TMEM163: variants seen among roughly 807,000 people sequenced by gnomAD.
The protein encoded by TMEM163 is transmembrane protein 163.
Under a neutral mutation model 29.3 loss-of-function variants are expected in TMEM163, and 17 were observed. The observed-to-expected ratio is 0.58, with a 90% CI of 0.40 to 0.87. The LOEUF (loss-of-function observed/expected upper bound fraction) is 0.87. Among genes scored for constraint, TMEM163 ranks in the 40% least tolerant of loss-of-function variants. The probability of loss-of-function intolerance (pLI) is 0.00; values close to 1 mark genes in which losing one functional copy is unlikely to be tolerated. For missense variants in TMEM163, 303 were observed against 381.5 expected, an observed-to-expected ratio of 0.79 and a Z score of 1.71; for synonymous variants, 157 against 160.6, an observed-to-expected ratio of 0.98 and a Z score of 0.17.
At chr2:134,569,912 T>C (rs932523136) in intron 2 of TMEM163, among the ~76,000 whole-genome samples, 2 of 152,216 alleles carry the variant, frequency 1.3e-5, no homozygotes, top group Non-Finnish European at 2.9e-5. Flanking sequence ...CATTATTCCC[T>C]AGACATAAAT....
rs1161993483 is a variant in TMEM163, at chr2:134,460,790, G to A, written c.668-2617C>T. 6.6e-6 allele frequency among the ~76,000 whole-genome samples: 1 copy of A among 152,190 alleles called. No individual in the cohort carries two copies. Among genetic ancestry groups the A allele is most frequent in the African/African-American group, 2.4e-5 (1 of 41,432 alleles). On this transcript the variant is annotated intron_variant, in intron 6 of 7. Coordinates refer to ENST00000281924, the MANE Select transcript of TMEM163 (RefSeq NM_030923.5). The surrounding 1 kb of genome is among the most constrained non-coding windows in gnomAD (Gnocchi z 4.3). ...CCCAGCTTGCTATTCCTGACAGCAG[G>A]TCCACCAGGTGTTCCCCGACACCCC...
chr2:134,531,743 T>A (rs1475505830), intron 4 of TMEM163, among the ~76,000 whole-genome samples: 1 of 152,224 alleles, frequency 6.6e-6, no homozygotes, highest in Non-Finnish European at 1.5e-5. Flanking sequence ...TGTTCAGGTA[T>A]CTGGAGCTTT....
At chr2:134,598,548 G>A (rs547591487) in intron 2 of TMEM163, among the ~76,000 whole-genome samples, 5 of 152,306 alleles carry the variant, frequency 3.3e-5, no homozygotes, top group South Asian at 2.1e-4. Flanking sequence ...AGCCTGCTCC[G>A]TGGCTCGTGC....
chr2:134,716,935 A>G (rs1685051088), intron 1 of TMEM163, among the ~76,000 whole-genome samples: 1 of 152,242 alleles, frequency 6.6e-6, no homozygotes, highest in South Asian at 2.1e-4. Context: ...TCATCCTAAC[A>G]GAGAGGCTGT....
At chr2:134,484,780 G>C (rs912528638) in intron 5 of TMEM163, among the ~76,000 whole-genome samples, 1 of 152,094 alleles carries the variant, frequency 6.6e-6, no homozygotes, top group Non-Finnish European at 1.5e-5. Context: ...TTTGGCAATG[G>C]GGGAATGGTT....
chr2:134,560,752 C>T (rs1325073059), intron 2 of TMEM163, among the ~76,000 whole-genome samples: 1 of 152,210 alleles, frequency 6.6e-6, no homozygotes, highest in Admixed American at 6.5e-5. Flanking sequence ...GACCAGGGCA[C>T]CCTTGTTCCT....
chr2:134,669,116 T>C (rs751782698), intron 2 of TMEM163, among the ~76,000 whole-genome samples: 5 of 152,182 alleles, frequency 3.3e-5, no homozygotes, highest in African/African-American at 4.8e-5. Flanking sequence ...GGAGGGGCCA[T>C]GGGGACTCAA....
chr2:134,537,016 A>G (rs1680556997), intron 4 of TMEM163, among the ~76,000 whole-genome samples: 1 of 152,206 alleles, frequency 6.6e-6, no homozygotes, highest in African/African-American at 2.4e-5. Flanking sequence ...ATAAGGGAAA[A>G]TAGGGCAGAT....
At chr2:134,574,948 A>G (rs1471953497) in intron 2 of TMEM163, among the ~76,000 whole-genome samples, 2 of 151,562 alleles carry the variant, frequency 1.3e-5, no homozygotes, top group African/African-American at 4.9e-5. Context: ...TCTAATATGC[A>G]CTAAGGTCCC....
At chr2:134,523,367 T>C (rs907114459) in intron 4 of TMEM163, among the ~76,000 whole-genome samples, 1 of 152,138 alleles carries the variant, frequency 6.6e-6, no homozygotes, top group African/African-American at 2.4e-5. Flanking sequence ...TGCCAAAAAC[T>C]TCATGTAACA....
chr2:134,639,637 C>T (rs1439230365), intron 2 of TMEM163, among the ~76,000 whole-genome samples: 1 of 152,168 alleles, frequency 6.6e-6, no homozygotes, highest in African/African-American at 2.4e-5. Flanking sequence ...ATGGAGGACC[C>T]TTTTGTCTAG....
chr2:134,494,356 A>G (rs1679498692), intron 5 of TMEM163, among the ~76,000 whole-genome samples: 1 of 152,176 alleles, frequency 6.6e-6, no homozygotes, highest in African/African-American at 2.4e-5. Flanking sequence ...ACCACATATG[A>G]TTGTTTTTAA....
intron 2 of TMEM163, among the ~76,000 whole-genome samples, chr2:134,665,264 G>A (rs939121932): frequency 6.6e-6 from 1 of 152,174 alleles, no homozygotes; most frequent in South Asian, 2.1e-4. Context: ...CCACAAGGCT[G>A]GGGAGGCCTG....
chr2:134,599,196 T>C (rs1221918489), intron 2 of TMEM163, among the ~76,000 whole-genome samples: 3 of 152,104 alleles, frequency 2.0e-5, no homozygotes, highest in Non-Finnish European at 2.9e-5. Context: ...ACTCTGCATA[T>C]GGTTCATGAC....
At chr2:134,578,618 G>A (rs1681616450) in intron 2 of TMEM163, among the ~76,000 whole-genome samples, 4 of 152,106 alleles carry the variant, frequency 2.6e-5, no homozygotes, top group Admixed American at 2.6e-4. Flanking sequence ...AAAATACTAT[G>A]CACAACCAAA....
chr2:134,495,126 G>A (rs1257276249), intron 5 of TMEM163, among the ~76,000 whole-genome samples: 1 of 152,240 alleles, frequency 6.6e-6, no homozygotes, highest in African/African-American at 2.4e-5. Context: ...GAAAGGATGA[G>A]TGTCTTCAGA....
chr2:134,702,696 A>G (rs1684729316), intron 2 of TMEM163, among the ~76,000 whole-genome samples: 1 of 152,086 alleles, frequency 6.6e-6, no homozygotes, highest in South Asian at 2.1e-4. Context: ...TTCAAAAAAG[A>G]TCCACAAAAC....
intron 4 of TMEM163, among the ~76,000 whole-genome samples, chr2:134,549,494 A>G (rs1680864140): frequency 2.0e-5 from 3 of 152,112 alleles, no homozygotes; most frequent in Non-Finnish European, 4.4e-5. Context: ...CTACAGGCAC[A>G]CAGCACCACA....
chr2:134,655,710 G>A (rs1186915308), intron 2 of TMEM163, among the ~76,000 whole-genome samples: 1 of 141,566 alleles, frequency 7.1e-6, no homozygotes, highest in Non-Finnish European at 1.5e-5. Context: ...TGATGGTGAT[G>A]TACAGATGGG....
Sources: gnomAD v4.1 joint callset for allele counts (sites outside exome capture counted in the v4.1 genomes callset) on GRCh38, gnomAD v4.1.1 for gene constraint, Gnocchi (gnomAD v3.1) non-coding constraint, MANE v1.5 for transcripts, NCBI Gene and HGNC (gene_info 2026-07-23, HGNC 2026-07-21) for gene names.